CTSH: variants seen among roughly 807,000 people sequenced by gnomAD.
The protein encoded by CTSH is pro-cathepsin H.
A neutral mutation model predicts 56.3 loss-of-function variants in CTSH; 52 were observed. That is an observed-to-expected ratio of 0.92 (90% CI 0.74 to 1.16). CTSH has a LOEUF of 1.16. Ranked by LOEUF, CTSH falls within the 50% of genes most tolerant of loss-of-function variation. The pLI is 0.00. For missense variants in CTSH, 406 were observed against 424.5 expected, an observed-to-expected ratio of 0.96 and a Z score of 0.38; for synonymous variants, 174 against 155.7, an observed-to-expected ratio of 1.12 and a Z score of -0.88.
chr15:78,942,215 CTTTTTT>C (rs35548397), intron 1 of CTSH, among the ~76,000 whole-genome samples: 1 of 110,352 alleles, frequency 9.1e-6, no homozygotes, highest in Admixed American at 1.0e-4. Context: ...TTCTTTCCTT[CTTTTTT>C]TTTTTTTTTT....
At position 78,927,766 on chromosome 15, in the gene CTSH, A is replaced by G; in HGVS notation, c.646T>C (p.Phe216Leu). ...AAGCCGATGGCCTTTCCAGGTTGGAACTTGCAATAACCATCCTGTTGAGGA... is the reference window on the plus strand; with the variant it reads ...AAGCCGATGGCCTTTCCAGGTTGGAGCTTGCAATAACCATCCTGTTGAGGA... Reference protein sequence around the residue: ...PYQGKDGYCKFQPGKAIGFVK... With the variant: ...PYQGKDGYCKLQPGKAIGFVK... The change falls in exon 9 of 12, where the codon TTC becomes CTC. Residue 216 changes from phenylalanine (F) to leucine (L), a missense_variant. Coordinates refer to ENST00000220166, the MANE Select transcript of CTSH (RefSeq NM_004390.5). 1 of 1,614,142 alleles carries G rather than the reference A, an allele frequency of 6.2e-7. No homozygotes were observed. The highest frequency in any genetic ancestry group is 8.5e-7 in the Non-Finnish European group (1 of 1,180,000).
At chr15:78,930,779 G>A (rs2055040941) in intron 7 of CTSH, among the ~76,000 whole-genome samples, 1 of 152,166 alleles carries the variant, frequency 6.6e-6, no homozygotes, top group African/African-American at 2.4e-5. Context: ...GCTCAGAGGG[G>A]CTGGGGTCTG....
At chr15:78,933,327 A>T (rs563655636) in intron 5 of CTSH, among the ~76,000 whole-genome samples, 9 of 152,352 alleles carry the variant, frequency 5.9e-5, no homozygotes, top group African/African-American at 2.2e-4. Flanking sequence ...GCAGGGCGCT[A>T]GCAGGGTTAA....
At chr15:78,927,899 A>C in intron 8 of CTSH, 118 bp from the exon 9 acceptor site, 3 of 790,836 alleles carry the variant, frequency 3.8e-6, no homozygotes, top group Non-Finnish European at 6.5e-6. Context: ...GGGGGATGGG[A>C]TAATTTCAGA....
At chr15:78,922,906 G>C in intron 11 of CTSH, 87 bp downstream of exon 11, 1 of 1,487,162 alleles carries the variant, frequency 6.7e-7, no homozygotes, top group Non-Finnish European at 9.0e-7. Context: ...TGTGGAAGCC[G>C]TAACTCTGAG....
chr15:78,935,137 C>G, intron 4 of CTSH, 55 bp from the exon 5 acceptor site: 1 of 1,195,282 alleles, frequency 8.4e-7, no homozygotes, highest in South Asian at 1.3e-5. Context: ...AAAAACCTTT[C>G]TGACAACAAG....
intron 1 of CTSH, among the ~76,000 whole-genome samples, chr15:78,942,906 A>G (rs142276393): frequency 9.5e-4 from 144 of 152,332 alleles, no homozygotes; most frequent in African/African-American, 3.4e-3. Flanking sequence ...AACCTGTTCC[A>G]GAGACCAATC....
intron 1 of CTSH, among the ~76,000 whole-genome samples, chr15:78,943,873 T>C (rs1477707270): frequency 2.6e-5 from 4 of 152,244 alleles, no homozygotes; most frequent in Admixed American, 1.3e-4. Context: ...TTGCGGCAGC[T>C]AGGTTTTCCT....
chr15:78,926,782 C>G (rs2054912352), intron 9 of CTSH: 1 of 152,214 alleles, frequency 6.6e-6, no homozygotes, highest in African/African-American at 2.4e-5. Context: ...GTTTCCTCAC[C>G]TGTCAAATGA....
At chr15:78,928,118 C>T (rs1032586420) in intron 8 of CTSH, among the ~76,000 whole-genome samples, 6 of 152,128 alleles carry the variant, frequency 3.9e-5, no homozygotes, top group African/African-American at 1.2e-4. Flanking sequence ...AAAAACAATG[C>T]TGGCAAGAGG....
In CTSH at chr15:78,943,769, T is replaced by C. The variant is rs562423176; in HGVS notation, c.91+1122A>G. On this transcript the variant is annotated intron_variant, in intron 1 of 11. Coordinates refer to ENST00000220166, the MANE Select transcript of CTSH (RefSeq NM_004390.5). ...AGAGACCACCATAAAGCCTAAGTTA[T>C]TTACCGTCTGGTCTTTCACAGAAAA... Among the ~76,000 whole-genome samples the C allele has an allele frequency of 3.2e-4, 49 of 152,334 alleles. 2 individuals carry two copies. In the South Asian group the frequency reaches 9.9e-3, roughly 31 times the overall value.
intron 5 of CTSH, 36 bp downstream of exon 5, chr15:78,934,942 G>A (rs1375862308): frequency 8.5e-6 from 12 of 1,404,606 alleles, no homozygotes; most frequent in Admixed American, 5.0e-5. Context: ...GAGTGTGGCC[G>A]TTTTGCAGGG....
intron 7 of CTSH, among the ~76,000 whole-genome samples, chr15:78,930,770 C>G (rs1279538010): frequency 2.0e-5 from 3 of 152,102 alleles, no homozygotes; most frequent in African/African-American, 7.2e-5. Context: ...GAAGAGCCAG[C>G]TCAGAGGGGC....
intron 9 of CTSH, chr15:78,925,816 A>C: frequency 5.5e-6 from 1 of 182,584 alleles, no homozygotes; most frequent in Non-Finnish European, 1.2e-5. Context: ...GTTATAAACC[A>C]TGGACGGGTA....
chr15:78,923,579 G>A (rs976755315), intron 10 of CTSH, among the ~76,000 whole-genome samples: 31 of 152,092 alleles, frequency 2.0e-4, no homozygotes, highest in African/African-American at 5.8e-4. Flanking sequence ...GTGAGCCACC[G>A]CACCCGGCCC....
rs1185588991 is a variant in CTSH, at chr15:78,921,587, T to C, written c.*543A>G. 6.6e-6 allele frequency: 1 copy of C among 152,374 alleles called. No homozygotes were observed. Among genetic ancestry groups the C allele is most frequent in the Non-Finnish European group, 1.5e-5 (1 of 68,336 alleles). The allele number at this position is 152,374 out of a possible 1,614,324, so 9.4% of individuals were successfully genotyped here. A position where few individuals can be genotyped will look rare whatever the true frequency, so the allele number is the denominator to read the frequency against. On this transcript the variant is annotated 3_prime_UTR_variant, in exon 12 of 12. Coordinates refer to ENST00000220166, the MANE Select transcript of CTSH (RefSeq NM_004390.5). ...CCTCTCCACTCAGGTTTGGGACAAA[T>C]AGTCAAGATCTCAAATTAAGCCTGC...
chr15:78,943,085 T>C (rs760300136), intron 1 of CTSH, among the ~76,000 whole-genome samples: 7 of 152,084 alleles, frequency 4.6e-5, no homozygotes, highest in Admixed American at 2.6e-4. Flanking sequence ...TTTAGGACAA[T>C]TGACTACCAG....
intron 8 of CTSH, among the ~76,000 whole-genome samples, chr15:78,928,716 G>T (rs1392507218): frequency 6.6e-6 from 1 of 152,144 alleles, no homozygotes; most frequent in Non-Finnish European, 1.5e-5. Flanking sequence ...GAGAGGCCTG[G>T]GGGAGGCCAC....
At chr15:78,932,509 G>C in intron 5 of CTSH, 51 bp from the exon 6 acceptor site, 1 of 1,429,998 alleles carries the variant, frequency 7.0e-7, no homozygotes, top group African/African-American at 1.4e-5. Flanking sequence ...GACGCCGTGA[G>C]ACAGCCCTGC....
Sources: gnomAD v4.1 joint callset for allele counts (sites outside exome capture counted in the v4.1 genomes callset) on GRCh38, gnomAD v4.1.1 for gene constraint, MANE v1.5 for transcripts, NCBI Gene and HGNC (gene_info 2026-07-23, HGNC 2026-07-21) for gene names.